Variants in KCTD15 observed in about 807,000 individuals in gnomAD.
KCTD15 encodes the protein BTB/POZ domain-containing protein KCTD15.
Under a neutral mutation model 27.2 loss-of-function variants are expected in KCTD15, and 11 were observed. The observed-to-expected ratio is 0.41, with a 90% CI of 0.25 to 0.67. KCTD15 has a LOEUF of 0.67. KCTD15 is among the 30% of genes least tolerant of loss of function. The pLI, the probability that KCTD15 is intolerant of heterozygous loss-of-function variation, is 0.35. For synonymous variants in KCTD15, 163 were observed against 176.0 expected (o/e 0.93, Z 0.58); for missense variants, 350 against 409.3 (o/e 0.86, Z 1.25).
In KCTD15 at chr19:33,813,464, AT is replaced by A. The variant is rs1228106048; in HGVS notation, c.*517del. On this transcript the variant is annotated 3_prime_UTR_variant, in exon 7 of 7. Coordinates refer to ENST00000683859, the MANE Select transcript of KCTD15 (RefSeq NM_001129994.2). Reference sequence around the variant, plus strand: ...CTCAGTTCTCAGTCAGACGTGCAGCATGGCTGCAGGGTGGACCAGCTGCCTG... The same window carrying A: ...CTCAGTTCTCAGTCAGACGTGCAGCAGGCTGCAGGGTGGACCAGCTGCCTG... The A allele has an allele frequency of 8.9e-6, 4 of 451,244 alleles. No individual in the cohort carries two copies. The highest frequency in any genetic ancestry group is 1.8e-5 in the Non-Finnish European group (4 of 224,450). 28.0% of individuals were successfully genotyped at this position (451,244 alleles called of 1,614,324 possible).
At position 33,800,501 on chromosome 19, in the gene KCTD15, A is replaced by ACGGCAGCACCGG; in HGVS notation, c.49_60dup (p.Gly17_Gly20dup). The ACGGCAGCACCGG allele has an allele frequency of 1.9e-6, 3 of 1,602,492 alleles. No individual in the cohort carries two copies. On this transcript the variant is annotated inframe_insertion, in exon 3 of 7. Coordinates refer to ENST00000683859, the MANE Select transcript of KCTD15 (RefSeq NM_001129994.2). ...CCGAGCGGGTCCTCGCTTCACACAC[A>ACGGCAGCACCGG]CGGCAGCACCGGCACCGCGGTGAGC... is the stretch of plus-strand genomic sequence containing the variant.
intron 1 of KCTD15, chr19:33,797,361 C>G (rs1228515478): frequency 6.6e-6 from 3 of 453,042 alleles, no homozygotes; most frequent in Admixed American, 4.7e-5. Context: ...GCAGAGCTGG[C>G]GAGTTTCCGG....
rs1350081908 is a variant in KCTD15, at chr19:33,800,540, T to C, written c.66+20T>C. ...ACCGCGGTGAGCCTGCAGGGTGGGC[T>C]GGGTCCCTGCCGGGAGTTCCCTCTT... On this transcript the variant is annotated intron_variant, in intron 3 of 6. Coordinates refer to ENST00000683859, the MANE Select transcript of KCTD15 (RefSeq NM_001129994.2). The C allele has an allele frequency of 1.9e-6, 3 of 1,573,480 alleles. No individual in the cohort carries two copies. In the African/African-American group the frequency reaches 4.0e-5, roughly 21 times the overall value.
chr19:33,805,571 C>G (rs543842430), intron 4 of KCTD15, among the ~76,000 whole-genome samples: 3 of 152,294 alleles, frequency 2.0e-5, no homozygotes, highest in Admixed American at 6.5e-5. Context: ...GTGTGCAGGC[C>G]GGGCTGGGAA....
chr19:33,796,170 G>C (rs749917362), upstream of KCTD15: 1 of 152,038 alleles, frequency 6.6e-6, no homozygotes. Context: ...AAGCGCCCGG[G>C]GAAATATTAC....
At chr19:33,810,446 G>A (rs979202700) in intron 5 of KCTD15, among the ~76,000 whole-genome samples, 18 of 152,178 alleles carry the variant, frequency 1.2e-4, no homozygotes, top group African/African-American at 1.4e-4. Context: ...TTGGGAGGCC[G>A]AGGCAGGTGG....
In KCTD15 at chr19:33,810,680, A is replaced by AC. The variant is rs1259945853; in HGVS notation, c.388-567_388-566insC. Among the ~76,000 whole-genome samples, 1,356 of 136,848 alleles carry AC rather than the reference A, an allele frequency of 9.9e-3. 23 individuals carry two copies. Among genetic ancestry groups the AC allele is most frequent in the African/African-American group, 0.042 (1,289 of 30,806 alleles). The allele number at this position is 136,848 out of a possible 152,430, so 89.8% of individuals were successfully genotyped here. On this transcript the variant is annotated intron_variant, in intron 5 of 6. Transcript: ENST00000683859. ...TCTGTCTCAAAAAACAAAAACAAAA[A>AC]AAAAAAACAAAAAAAAACGAAAAAA...
Position 33,813,037 on chromosome 19 carries a change from A to G in KCTD15, c.*89A>G. 3 of 1,356,914 alleles carry G rather than the reference A, an allele frequency of 2.2e-6. No homozygotes were observed. The highest frequency in any genetic ancestry group is 3.0e-6 in the Non-Finnish European group (3 of 986,726). The allele number at this position is 1,356,914 out of a possible 1,614,324, so 84.1% of individuals were successfully genotyped here. ...CTGTGTATACTTGGCCGTGGGCATG[A>G]GACCGAGGGTGAGGCTGGAGGGTCC... On this transcript the variant is annotated 3_prime_UTR_variant, in exon 7 of 7. Coordinates refer to ENST00000683859, the MANE Select transcript of KCTD15 (RefSeq NM_001129994.2).
At chr19:33,803,570 C>T (rs1009103069) in intron 4 of KCTD15, among the ~76,000 whole-genome samples, 14 of 151,902 alleles carry the variant, frequency 9.2e-5, no homozygotes, top group Non-Finnish European at 1.5e-4. Context: ...GGCCTGGGTG[C>T]TGGAGAGTCT....
At chr19:33,808,644 T>C (rs2145481215) in intron 5 of KCTD15, among the ~76,000 whole-genome samples, 1 of 141,806 alleles carries the variant, frequency 7.1e-6, no homozygotes, top group East Asian at 2.1e-4. Context: ...AAGGGGTGTG[T>C]GCAGGGGAAG....
chr19:33,796,293 G>A (rs1247205921), upstream of KCTD15: 1 of 150,348 alleles, frequency 6.7e-6, no homozygotes, highest in African/African-American at 2.4e-5. Context: ...GCTGGGCCGC[G>A]GAGGGCGCTG....
chr19:33,808,933 A>C (rs989550182), intron 5 of KCTD15, among the ~76,000 whole-genome samples: 2 of 152,070 alleles, frequency 1.3e-5, no homozygotes, highest in African/African-American at 4.8e-5. Context: ...CCTGGAGTTC[A>C]AGACCAGCCT....
chr19:33,809,700 ATTATTATTG>A (rs1362271387), intron 5 of KCTD15, among the ~76,000 whole-genome samples: 1 of 152,004 alleles, frequency 6.6e-6, no homozygotes, highest in Non-Finnish European at 1.5e-5. Context: ...TCTACAAATA[ATTATTATTG>A]TTATTATTAT....
At chr19:33,804,394 G>T (rs529815877) in intron 4 of KCTD15, among the ~76,000 whole-genome samples, 21 of 152,208 alleles carry the variant, frequency 1.4e-4, no homozygotes, top group Non-Finnish European at 2.6e-4. Context: ...AACAGGACCA[G>T]CTAGAGCCTC....
intron 4 of KCTD15, among the ~76,000 whole-genome samples, chr19:33,802,971 C>T (rs373302863): frequency 3.3e-4 from 50 of 152,124 alleles, no homozygotes; most frequent in African/African-American, 1.1e-3. Flanking sequence ...CATCTCCCCC[C>T]ACCCAGCCCC....
chr19:33,796,794 G>T (rs1238698052), upstream of KCTD15: 1 of 132,386 alleles, frequency 7.6e-6, no homozygotes, highest in African/African-American at 2.8e-5. Flanking sequence ...CGCGCCGCGA[G>T]GGGCCGCGTG....
chr19:33,802,409 A>T (rs1975587377), intron 4 of KCTD15, among the ~76,000 whole-genome samples: 1 of 152,128 alleles, frequency 6.6e-6, no homozygotes, highest in African/African-American at 2.4e-5. Context: ...AGCAGGGAGG[A>T]TGGTAGTGCG....
rs2145509728 is a variant in KCTD15 at position 33,814,944 on chromosome 19, A to G, written c.*1996A>G. 1 of 152,282 alleles carries G rather than the reference A, an allele frequency of 6.6e-6. No homozygotes were observed. Among genetic ancestry groups the G allele is most frequent in the East Asian group, 1.9e-4 (1 of 5,182 alleles). 9.4% of individuals were successfully genotyped at this position (152,282 alleles called of 1,614,324 possible). A position where few individuals can be genotyped will look rare whatever the true frequency, so the allele number is the denominator to read the frequency against. On this transcript the variant is annotated 3_prime_UTR_variant, in exon 7 of 7. Transcript: ENST00000683859. ...CAATCGAATTTGCTGGACAAACTTG[A>G]TAGGTTTCTCTGCTTAGCAACGAGC...
chr19:33,808,531 G>A (rs1295917080), intron 5 of KCTD15, among the ~76,000 whole-genome samples: 1 of 152,070 alleles, frequency 6.6e-6, no homozygotes, highest in Non-Finnish European at 1.5e-5. Context: ...CAAGCCTGGA[G>A]CTTTATGGAC....
Sources: gnomAD v4.1 joint callset for allele counts (sites outside exome capture counted in the v4.1 genomes callset) on GRCh38, gnomAD v4.1.1 for gene constraint, MANE v1.5 for transcripts, NCBI Gene and HGNC (gene_info 2026-07-23, HGNC 2026-07-21) for gene names.